Variants in QKI observed in about 807,000 individuals in gnomAD.
The protein encoded by QKI is QKI, KH domain containing RNA binding.
QKI carries 10 observed loss-of-function variants against 39.0 expected under a neutral mutation model. That is an observed-to-expected ratio of 0.26 (90% CI 0.16 to 0.43). The LOEUF (loss-of-function observed/expected upper bound fraction) is 0.43. Ranked by LOEUF, QKI falls within the 20% of genes least tolerant of loss-of-function variation. The pLI is 1.00. For missense variants in QKI, 218 were observed against 428.0 expected, an observed-to-expected ratio of 0.51 and a Z score of 4.33; for synonymous variants, 204 against 155.4, an observed-to-expected ratio of 1.31 and a Z score of -2.33.
intron 4 of QKI, among the ~76,000 whole-genome samples, chr6:163,548,214 C>T (rs978396453): frequency 3.9e-5 from 6 of 152,190 alleles, no homozygotes; most frequent in Non-Finnish European, 8.8e-5. Flanking sequence ...CTGGGCATTT[C>T]AGTGACATGC....
At chr6:163,443,123 A>G (rs1407475237) in intron 1 of QKI, among the ~76,000 whole-genome samples, 3 of 152,258 alleles carry the variant, frequency 2.0e-5, no homozygotes, top group African/African-American at 7.2e-5. Flanking sequence ...TGTTTTCAAT[A>G]CCAATTACTT....
intron 6 of QKI, chr6:163,566,252 T>C (rs929017637): frequency 2.4e-5 from 30 of 1,256,416 alleles, no homozygotes; most frequent in South Asian, 6.8e-5. Context: ...TTCATACTTA[T>C]TGACTCAGAG....
At chr6:163,509,567 T>A (rs1277960715) in intron 3 of QKI, among the ~76,000 whole-genome samples, 2 of 152,164 alleles carry the variant, frequency 1.3e-5, no homozygotes, top group Admixed American at 1.3e-4. Flanking sequence ...CTACATATTA[T>A]GTGAAACAGT....
chr6:163,415,694 C>T (rs1382292697), intron 1 of QKI, among the ~76,000 whole-genome samples: 3 of 151,680 alleles, frequency 2.0e-5, no homozygotes, highest in East Asian at 2.0e-4. Flanking sequence ...CTCGCCGAGC[C>T]CTCCCGAGAG....
Position 163,416,952 on chromosome 6 carries a change from G to A in QKI, c.142+1617G>A, listed in dbSNP as rs116020033. 2.9e-3 allele frequency among the ~76,000 whole-genome samples: 439 copies of A among 151,872 alleles called. 2 individuals are homozygous for A. The highest frequency in any genetic ancestry group is 9.8e-3 in the African/African-American group (407 of 41,414). On this transcript the variant is annotated intron_variant, in intron 1 of 7. Coordinates refer to ENST00000361752, the MANE Select transcript of QKI (RefSeq NM_006775.3). ...AAAAATGCTGGAACTCTTAAATTGAGTATTTCCAAATGTGAGCGCTAAGGG... is the reference window on the plus strand; with the variant it reads ...AAAAATGCTGGAACTCTTAAATTGAATATTTCCAAATGTGAGCGCTAAGGG...
intron 3 of QKI, among the ~76,000 whole-genome samples, chr6:163,503,478 G>T (rs1389676570): frequency 1.3e-5 from 2 of 151,752 alleles, no homozygotes; most frequent in Non-Finnish European, 2.9e-5. Context: ...ACCCTTGTTG[G>T]ATGCGTAGCC....
chr6:163,552,412 G>C (rs746283062), intron 4 of QKI, among the ~76,000 whole-genome samples: 9 of 151,982 alleles, frequency 5.9e-5, no homozygotes, highest in Non-Finnish European at 4.4e-5. Flanking sequence ...GGGTTTCACC[G>C]TGTTAGCCAG....
At chr6:163,423,698 TTC>T (rs1351775019) in intron 1 of QKI, 1 of 152,228 alleles carries the variant, frequency 6.6e-6, no homozygotes, top group Non-Finnish European at 1.5e-5. Context: ...AACGATAACT[TTC>T]TAATTAAGAG....
chr6:163,516,485 G>A (rs1015281371), intron 3 of QKI, among the ~76,000 whole-genome samples: 7 of 152,166 alleles, frequency 4.6e-5, no homozygotes, highest in Non-Finnish European at 1.0e-4. Flanking sequence ...AGTAGAGACA[G>A]GGTTTCACCA....
intron 1 of QKI, among the ~76,000 whole-genome samples, chr6:163,437,865 T>G (rs1291818301): frequency 6.7e-6 from 1 of 148,882 alleles, no homozygotes; most frequent in Non-Finnish European, 1.5e-5. Context: ...AATTTTAAAC[T>G]CCGGAAAAGT....
intron 4 of QKI, among the ~76,000 whole-genome samples, chr6:163,551,532 A>G (rs1364410482): frequency 1.3e-5 from 2 of 152,386 alleles, no homozygotes; most frequent in East Asian, 3.9e-4. Context: ...ATGGGCAGCA[A>G]CCAAAATTAA....
rs1314156906 is a variant in QKI, at chr6:163,577,516, G to A, written c.*6806G>A. On this transcript the variant is annotated 3_prime_UTR_variant, in exon 8 of 8. Coordinates refer to ENST00000361752, the MANE Select transcript of QKI (RefSeq NM_006775.3). ...CAAACATGTATTCTTAACATAGTAG[G>A]CACCAGCTGAAACTGAGTAATTAAA... is the stretch of plus-strand genomic sequence containing the variant. 1.3e-5 allele frequency: 2 copies of A among 152,152 alleles called. No individual in the cohort carries two copies. Among genetic ancestry groups the A allele is most frequent in the Non-Finnish European group, 2.9e-5 (2 of 68,010 alleles). 9.4% of individuals were successfully genotyped at this position (152,152 alleles called of 1,614,324 possible).
At chr6:163,485,572 TC>T (rs1242970337) in intron 3 of QKI, among the ~76,000 whole-genome samples, 1 of 151,926 alleles carries the variant, frequency 6.6e-6, no homozygotes, top group Non-Finnish European at 1.5e-5. Flanking sequence ...TCTTCTGAGG[TC>T]TCCCTTCTCA....
intron 3 of QKI, among the ~76,000 whole-genome samples, chr6:163,517,755 A>G (rs927096684): frequency 6.6e-6 from 1 of 152,220 alleles, no homozygotes; most frequent in Non-Finnish European, 1.5e-5. Context: ...TTAAGCTGAC[A>G]CACTGCAAAG....
intron 4 of QKI, among the ~76,000 whole-genome samples, chr6:163,537,983 G>A (rs1471382985): frequency 6.6e-6 from 1 of 152,084 alleles, no homozygotes; most frequent in Non-Finnish European, 1.5e-5. Context: ...TACCTTTCAG[G>A]TTTCATTTTT....
rs1407065132 is a variant in QKI, at chr6:163,450,036, T to C, written c.143-5243T>C. On this transcript the variant is annotated intron_variant, in intron 1 of 7. Transcript: ENST00000361752. ...TATAACATATATATACACACACATA[T>C]ATATGTATATATGTGTATATATATA... Among the ~76,000 whole-genome samples the C allele has an allele frequency of 3.3e-5, 5 of 151,500 alleles. No homozygotes were observed. In the East Asian group the frequency reaches 9.7e-4, roughly 29 times the overall value.
chr6:163,508,933 G>A (rs1188146246), intron 3 of QKI, among the ~76,000 whole-genome samples: 1 of 142,192 alleles, frequency 7.0e-6, no homozygotes, highest in African/African-American at 2.5e-5. Context: ...GAGGTCAGGA[G>A]TTCGAGACCA....
intron 1 of QKI, chr6:163,423,620 TG>T: frequency 6.6e-6 from 1 of 152,366 alleles, no homozygotes; most frequent in Non-Finnish European, 1.5e-5. Context: ...AATGATTTTT[TG>T]CTAATTCTGT....
chr6:163,434,722 TAATA>T (rs992859740), intron 1 of QKI, among the ~76,000 whole-genome samples: 11 of 151,850 alleles, frequency 7.2e-5, no homozygotes, highest in African/African-American at 2.7e-4. Context: ...AAAAAAAAAT[TAATA>T]AATAAGATAA....
Sources: allele counts gnomAD v4.1 joint callset (sites outside exome capture counted in the v4.1 genomes callset), GRCh38; gene constraint gnomAD v4.1.1; transcripts MANE v1.5; gene names NCBI Gene and HGNC (gene_info 2026-07-23, HGNC 2026-07-21).